The following NRCAM variants were observed in gnomAD, a reference collection of about 807,000 sequenced individuals.
The protein encoded by NRCAM is neuronal cell adhesion molecule.
Under a neutral mutation model 156.5 loss-of-function variants are expected in NRCAM, and 83 were observed. The observed-to-expected ratio is 0.53, with a 90% CI of 0.44 to 0.64. NRCAM has a LOEUF of 0.64. NRCAM is among the 30% of genes least tolerant of loss of function. The pLI is 0.00. For synonymous variants in NRCAM, 538 were observed against 563.9 expected, an observed-to-expected ratio of 0.95 and a Z score of 0.65; for missense variants, 1,417 against 1,597.3, an observed-to-expected ratio of 0.89 and a Z score of 1.92.
chr7:108,423,023 G>A (rs1007011820), intron 1 of NRCAM, among the ~76,000 whole-genome samples: 10 of 152,052 alleles, frequency 6.6e-5, no homozygotes, highest in African/African-American at 2.4e-4. Context: ...ACCTAGGCAG[G>A]ATGTGAAATA....
chr7:108,447,111 C>A (rs917251), intron 1 of NRCAM, among the ~76,000 whole-genome samples: 92,465 of 151,830 alleles, frequency 0.61, 28,610 homozygotes, highest in African/African-American at 0.73. Flanking sequence ...TCAACAGAGT[C>A]TCTACTTAGA....
chr7:108,328,628 G>A (rs1390348588), intron 2 of NRCAM: 1 of 152,146 alleles, frequency 6.6e-6, no homozygotes, highest in Non-Finnish European at 1.5e-5. Flanking sequence ...CTCCCAGGGT[G>A]ATCAGCCTGG....
rs59045330 is a variant in NRCAM, at chr7:108,198,516, C to CGTAA, written c.1208-418_1208-417insTTAC. Among the ~76,000 whole-genome samples the CGTAA allele has an allele frequency of 2.9e-3, 441 of 152,112 alleles. 5 individuals carry two copies. Among genetic ancestry groups the CGTAA allele is most frequent in the African/African-American group, 0.01 (423 of 41,490 alleles). ...TTTTGAGAGATGCAGAAAAAAAACT[C>CGTAA]TTACAAGTTTAGGTGAAAATTGCAT... is the stretch of plus-strand genomic sequence containing the variant. On this transcript the variant is annotated intron_variant, in intron 13 of 32. Coordinates refer to ENST00000379028, the MANE Select transcript of NRCAM (RefSeq NM_001037132.4).
chr7:108,177,863 T>C (rs2061540673), intron 26 of NRCAM, 127 bp downstream of exon 26: 4 of 753,296 alleles, frequency 5.3e-6, no homozygotes, highest in African/African-American at 5.3e-5. Flanking sequence ...CGAATTCCCC[T>C]GATCTGATCA....
chr7:108,209,986 A>G (rs912447264), intron 11 of NRCAM, among the ~76,000 whole-genome samples: 8 of 152,190 alleles, frequency 5.3e-5, no homozygotes, highest in Non-Finnish European at 7.3e-5. Flanking sequence ...CTGAATTATA[A>G]TTTTTCATCA....
intron 2 of NRCAM, among the ~76,000 whole-genome samples, chr7:108,346,240 G>GA (rs2099353561): frequency 6.6e-6 from 1 of 152,174 alleles, no homozygotes; most frequent in Non-Finnish European, 1.5e-5. Context: ...TACGGATGAC[G>GA]AAACTTTGGG....
chr7:108,338,616 A>G (rs1222593570), intron 2 of NRCAM, among the ~76,000 whole-genome samples: 1 of 86,552 alleles, frequency 1.2e-5, no homozygotes, highest in African/African-American at 3.1e-5. Context: ...CAGAGAGGAG[A>G]GAGACACAGA....
At chr7:108,416,805 C>T (rs1802161890) in intron 1 of NRCAM, among the ~76,000 whole-genome samples, 1 of 152,166 alleles carries the variant, frequency 6.6e-6, no homozygotes, top group Non-Finnish European at 1.5e-5. Flanking sequence ...ATTACTATTG[C>T]CATTCATAAT....
intron 2 of NRCAM, among the ~76,000 whole-genome samples, chr7:108,325,409 A>T (rs2099057136): frequency 6.6e-6 from 1 of 152,170 alleles, no homozygotes; most frequent in African/African-American, 2.4e-5. Context: ...TCATTAGGAA[A>T]AAACCTACCT....
intron 2 of NRCAM, among the ~76,000 whole-genome samples, chr7:108,347,964 C>T (rs1189871360): frequency 6.6e-6 from 1 of 152,206 alleles, no homozygotes; most frequent in African/African-American, 2.4e-5. Flanking sequence ...AATCACTGCA[C>T]TCACCATGTT....
At chr7:108,347,321 C>T (rs2099365165) in intron 2 of NRCAM, among the ~76,000 whole-genome samples, 1 of 152,134 alleles carries the variant, frequency 6.6e-6, no homozygotes, top group Non-Finnish European at 1.5e-5. Flanking sequence ...TAGGCGTGAG[C>T]CACCGCGCCC....
chr7:108,366,606 C>T (rs1201265928), intron 2 of NRCAM, among the ~76,000 whole-genome samples: 3 of 152,070 alleles, frequency 2.0e-5, no homozygotes, highest in Admixed American at 6.6e-5. Context: ...ACAACTTTTA[C>T]GACAAAGAGT....
chr7:108,267,298 T>A (rs747897169), intron 3 of NRCAM, among the ~76,000 whole-genome samples: 1 of 152,222 alleles, frequency 6.6e-6, no homozygotes, highest in Admixed American at 6.5e-5. Flanking sequence ...ATTAGAACTA[T>A]AGAGAATTTT....
At chr7:108,255,609 G>C (rs1370879525) in intron 3 of NRCAM, among the ~76,000 whole-genome samples, 12 of 151,790 alleles carry the variant, frequency 7.9e-5, no homozygotes, top group African/African-American at 2.7e-4. Context: ...AGTGAGGAGC[G>C]TCTCTGCCTG....
chr7:108,196,023 G>C, intron 14 of NRCAM, 151 bp from the exon 15 acceptor site: 1 of 626,786 alleles, frequency 1.6e-6, no homozygotes, highest in Non-Finnish European at 2.9e-6. Context: ...GCATAATGCT[G>C]CCAGTCACTC....
At chr7:108,169,432 C>A (rs1001610180) in intron 28 of NRCAM, among the ~76,000 whole-genome samples, 1 of 151,990 alleles carries the variant, frequency 6.6e-6, no homozygotes, top group Non-Finnish European at 1.5e-5. Context: ...AATAGGTTTA[C>A]CAAGACACTA....
intron 3 of NRCAM, among the ~76,000 whole-genome samples, chr7:108,256,023 G>A (rs187884661): frequency 0.26 from 30,222 of 116,620 alleles, 2,021 homozygotes; most frequent in Non-Finnish European, 0.31. Flanking sequence ...GCCCCCGCCC[G>A]GCCAGCCACC....
At chr7:108,322,830 T>G (rs986074893) in intron 2 of NRCAM, among the ~76,000 whole-genome samples, 1 of 152,170 alleles carries the variant, frequency 6.6e-6, no homozygotes, top group East Asian at 1.9e-4. Context: ...AAGCTGCCCA[T>G]TTAAAGAGGT....
chr7:108,256,944 G>A (rs2096694387), intron 3 of NRCAM, among the ~76,000 whole-genome samples: 2 of 151,178 alleles, frequency 1.3e-5, no homozygotes. Context: ...GGGAGGTGGA[G>A]GTTGCAGTGA....
Sources: allele counts gnomAD v4.1 joint callset (sites outside exome capture counted in the v4.1 genomes callset), GRCh38; gene constraint gnomAD v4.1.1; transcripts MANE v1.5; gene names NCBI Gene and HGNC (gene_info 2026-07-23, HGNC 2026-07-21).